The following SLIT3 variants were observed in gnomAD, a reference collection of about 807,000 sequenced individuals.
SLIT3 encodes the protein slit homolog 3 protein.
Under a neutral mutation model 184.0 loss-of-function variants are expected in SLIT3, and 68 were observed. That is an observed-to-expected ratio of 0.37 (90% CI 0.30 to 0.45). The LOEUF (loss-of-function observed/expected upper bound fraction) is 0.45. SLIT3 is among the 20% of genes least tolerant of loss of function. The probability of loss-of-function intolerance (pLI) is 1.00; values close to 1 mark genes in which losing one functional copy is unlikely to be tolerated. For synonymous variants in SLIT3, 831 were observed against 828.6 expected, an observed-to-expected ratio of 1.00 and a Z score of -0.05; for missense variants, 1,707 against 2,026.0, an observed-to-expected ratio of 0.84 and a Z score of 3.02.
At chr5:169,040,740 A>G (rs1004688919) in intron 4 of SLIT3, among the ~76,000 whole-genome samples, 1 of 152,228 alleles carries the variant, frequency 6.6e-6, no homozygotes, top group Non-Finnish European at 1.5e-5. Context: ...GGACTCTCCA[A>G]TCTTCTCACC....
At chr5:168,698,810 AC>A (rs1391907306) in intron 27 of SLIT3, among the ~76,000 whole-genome samples, 1 of 151,622 alleles carries the variant, frequency 6.6e-6, no homozygotes, top group African/African-American at 2.4e-5. Flanking sequence ...TTAACCTTCC[AC>A]CCCATTTCCC....
chr5:169,253,765 C>T (rs1055850712), intron 1 of SLIT3, among the ~76,000 whole-genome samples: 8 of 152,192 alleles, frequency 5.3e-5, no homozygotes, highest in South Asian at 2.1e-4. Flanking sequence ...TTTGTGCCCA[C>T]GGATGAATCC....
intron 16 of SLIT3, among the ~76,000 whole-genome samples, chr5:168,758,745 G>C (rs1755038231): frequency 6.6e-6 from 1 of 152,214 alleles, no homozygotes; most frequent in East Asian, 1.9e-4. Context: ...ATGCTGCCCA[G>C]GGCCTAGAAG....
Position 168,683,035 on chromosome 5 carries a change from C to T in SLIT3, c.3686+931G>A, listed in dbSNP as rs574393303. 1.1e-4 allele frequency among the ~76,000 whole-genome samples: 16 copies of T among 151,992 alleles called. No homozygotes were observed. The South Asian group carries it at 2.5e-3, about 24-fold the overall frequency. ...ATCCAACTAACATATCTGTGATTCC[C>T]CAGATGTTCATTCCTTAAGGAGCAG... On this transcript the variant is annotated intron_variant, in intron 32 of 35. Transcript: ENST00000519560.
chr5:168,711,036 G>A lies in SLIT3; in HGVS notation c.2578C>T (p.His860Tyr). The change falls in exon 25 of 36, where the codon CAC becomes TAC. Residue 860 changes from histidine to tyrosine, a missense_variant. This residue lies in a region of SLIT3 where 1,307 missense variants were observed against 1,511.6 expected (regional missense o/e 0.86). Coordinates refer to ENST00000519560, the MANE Select transcript of SLIT3 (RefSeq NM_003062.4). Reference sequence around the variant, plus strand: ...AGCCACCGAAGACTGCAGTCACAGTGGAGTGGGTTGGTTCCCAGCGCCCTA... The same window carrying A: ...AGCCACCGAAGACTGCAGTCACAGTAGAGTGGGTTGGTTCCCAGCGCCCTA... Reference protein sequence around the residue: ...SHLALGTNPLHCDCSLRWLSE... With the variant: ...SHLALGTNPLYCDCSLRWLSE... 6.3e-7 allele frequency: 1 copy of A among 1,588,480 alleles called. No individual in the cohort carries two copies. The highest frequency in any genetic ancestry group is 8.6e-7 in the Non-Finnish European group (1 of 1,166,826).
At chr5:169,080,852 T>G (rs1339638593) in intron 4 of SLIT3, among the ~76,000 whole-genome samples, 1 of 152,136 alleles carries the variant, frequency 6.6e-6, no homozygotes, top group Non-Finnish European at 1.5e-5. Context: ...GAACCACTGC[T>G]CTGGAGAGCA....
chr5:168,741,651 A>G (rs1346272154), intron 20 of SLIT3, among the ~76,000 whole-genome samples: 1 of 152,074 alleles, frequency 6.6e-6, no homozygotes, highest in Non-Finnish European at 1.5e-5. Context: ...AAGCAACTAC[A>G]ACACAAGGCG....
rs539169289 is a variant in SLIT3, at chr5:168,983,288, G to A, written c.414-99952C>T. On this transcript the variant is annotated intron_variant, in intron 4 of 35. Coordinates refer to ENST00000519560, the MANE Select transcript of SLIT3 (RefSeq NM_003062.4). ...AGATCTCACAAGCTTTATCCCCCAGGTAAACTCCCCAAGATCACCTAAAGC... is the reference window on the plus strand; with the variant it reads ...AGATCTCACAAGCTTTATCCCCCAGATAAACTCCCCAAGATCACCTAAAGC... Among the ~76,000 whole-genome samples, 15 of 152,264 alleles carry A rather than the reference G, an allele frequency of 9.9e-5. No homozygotes were observed. In the South Asian group the frequency reaches 2.9e-3, roughly 29 times the overall value.
At chr5:169,154,974 C>T (rs1380249717) in intron 4 of SLIT3, among the ~76,000 whole-genome samples, 1 of 152,188 alleles carries the variant, frequency 6.6e-6, no homozygotes, top group Admixed American at 6.5e-5. Flanking sequence ...ATGCTTTCCT[C>T]AGGAACATCA....
intron 7 of SLIT3, 93 bp from the exon 8 acceptor site, chr5:168,817,556 C>G (rs531312939): frequency 8.1e-7 from 1 of 1,234,518 alleles, no homozygotes; most frequent in East Asian, 2.4e-5. Context: ...CCCTGTTGCC[C>G]CTTTCTCCAG....
At chr5:169,051,684 C>T (rs1195503148) in intron 4 of SLIT3, among the ~76,000 whole-genome samples, 1 of 152,212 alleles carries the variant, frequency 6.6e-6, no homozygotes, top group Non-Finnish European at 1.5e-5. Context: ...GAGTTATGCT[C>T]ATCCTGTGGG....
At chr5:168,669,359 C>T (rs919243758) in intron 35 of SLIT3, among the ~76,000 whole-genome samples, 7 of 152,206 alleles carry the variant, frequency 4.6e-5, no homozygotes, top group African/African-American at 1.7e-4. Flanking sequence ...CAGGGCAGAA[C>T]TGGGACCTCC....
At chr5:169,295,961 A>G (rs1767490160) in intron 1 of SLIT3, among the ~76,000 whole-genome samples, 1 of 152,220 alleles carries the variant, frequency 6.6e-6, no homozygotes, top group East Asian at 1.9e-4. Context: ...TTTCATGGGC[A>G]TGTGCACAGT....
At chr5:169,056,818 C>A (rs1758016740) in intron 4 of SLIT3, among the ~76,000 whole-genome samples, 3 of 152,126 alleles carry the variant, frequency 2.0e-5, no homozygotes, top group Non-Finnish European at 2.9e-5. Flanking sequence ...AGAGCCCTAG[C>A]AGGGGAGGTG....
Position 168,666,604 on chromosome 5 carries a change from G to A in SLIT3, c.4422C>T (p.Pro1474=). Residue 1474 remains proline, a synonymous_variant, in exon 36 of 36, where the codon CCC becomes CCT. Transcript: ENST00000519560. The part of the protein sequence containing the change: ...YASCATASKV[P]IMECRGGCGP... ...CACAGCCCCCACGACATTCCATGAT[G>A]GGCACCTTGGAGGCTGTGGCACATG... The A allele has an allele frequency of 6.2e-7, 1 of 1,614,184 alleles. No individual in the cohort carries two copies. The highest frequency in any genetic ancestry group is 1.1e-5 in the South Asian group (1 of 91,090).
At position 168,708,173 on chromosome 5, in the gene SLIT3, T is replaced by C. The variant is rs1762433930; in HGVS notation, c.2720-73A>G. 2.5e-6 allele frequency: 4 copies of C among 1,604,994 alleles called. No individual in the cohort carries two copies. The African/African-American group carries it at 4.0e-5, about 16-fold the overall frequency. On this transcript the variant is annotated intron_variant, in intron 25 of 35. Coordinates refer to ENST00000519560, the MANE Select transcript of SLIT3 (RefSeq NM_003062.4). ...CTGCCATACCTCCCTTCCCCTCTGCTCTGGGCCCTCCCTCAGCCAGCGCCA... is the reference window on the plus strand; with the variant it reads ...CTGCCATACCTCCCTTCCCCTCTGCCCTGGGCCCTCCCTCAGCCAGCGCCA...
At position 168,967,019 on chromosome 5, in the gene SLIT3, C is replaced by G. The variant is rs60024189; in HGVS notation, c.414-83683G>C. Among the ~76,000 whole-genome samples, 461 of 152,278 alleles carry G rather than the reference C, an allele frequency of 3.0e-3. 1 individual carries two copies. The highest frequency in any genetic ancestry group is 0.01 in the African/African-American group (432 of 41,546). ...ATGTACAAGGATGTTCCCTGGAGCA[C>G]TTTGGATGATGGAAAAAATTGAAAA... On this transcript the variant is annotated intron_variant, in intron 4 of 35. Transcript: ENST00000519560.
intron 3 of SLIT3, among the ~76,000 whole-genome samples, chr5:169,228,521 A>G (rs2113546634): frequency 6.6e-6 from 1 of 152,312 alleles, no homozygotes; most frequent in Non-Finnish European, 1.5e-5. Context: ...GCCTTCCTGG[A>G]CTTGCTTTAA....
At chr5:169,197,633 C>A (rs1044513832) in intron 3 of SLIT3, among the ~76,000 whole-genome samples, 3 of 152,100 alleles carry the variant, frequency 2.0e-5, no homozygotes, top group Non-Finnish European at 2.9e-5. Flanking sequence ...GGAAGTAAAT[C>A]CATGATTACT....
Sources: allele counts gnomAD v4.1 joint callset (sites outside exome capture counted in the v4.1 genomes callset), GRCh38; gene constraint gnomAD v4.1.1; regional missense constraint gnomAD v4.1.1; transcripts MANE v1.5; gene names NCBI Gene and HGNC (gene_info 2026-07-23, HGNC 2026-07-21).